The following CACNA2D1 variants were observed in gnomAD, a reference collection of about 807,000 sequenced individuals.
The protein encoded by CACNA2D1 is voltage-dependent calcium channel subunit alpha-2/delta-1.
In CACNA2D1, 53 loss-of-function variants were observed where a neutral mutation model predicts 171.5. The ratio of observed to expected loss-of-function variants is 0.31; its 90% CI spans 0.25 to 0.39. CACNA2D1 has a LOEUF of 0.39. Ranked by LOEUF, CACNA2D1 falls within the 10% of genes least tolerant of loss-of-function variation. The pLI is 1.00. For missense variants in CACNA2D1, 903 were observed against 1,299.8 expected (o/e 0.69, Z 4.69); for synonymous variants, 442 against 443.1 (o/e 1.00, Z 0.03).
At chr7:82,387,824 T>C (rs1195383038) in intron 1 of CACNA2D1, among the ~76,000 whole-genome samples, 1 of 152,188 alleles carries the variant, frequency 6.6e-6, no homozygotes, top group Non-Finnish European at 1.5e-5. Flanking sequence ...CTCATGCTTG[T>C]AATCCCAGCA....
intron 1 of CACNA2D1, among the ~76,000 whole-genome samples, chr7:82,357,280 T>C (rs1037758999): frequency 6.6e-6 from 1 of 152,118 alleles, no homozygotes; most frequent in East Asian, 1.9e-4. Context: ...AATATGGTAA[T>C]CCATTTCATT....
chr7:82,126,387 G>T (rs1790339977), intron 5 of CACNA2D1, among the ~76,000 whole-genome samples: 2 of 152,140 alleles, frequency 1.3e-5, no homozygotes, highest in Admixed American at 1.3e-4. Context: ...AGCAACAGAT[G>T]ACATGATTCA....
At chr7:82,386,767 T>G (rs1021614359) in intron 1 of CACNA2D1, among the ~76,000 whole-genome samples, 22 of 144,846 alleles carry the variant, frequency 1.5e-4, no homozygotes, top group African/African-American at 5.2e-4. Flanking sequence ...AATAAATAAA[T>G]AAATAAATAA....
At chr7:82,141,662 G>C (rs1475473288) in intron 4 of CACNA2D1, among the ~76,000 whole-genome samples, 1 of 152,202 alleles carries the variant, frequency 6.6e-6, no homozygotes, top group African/African-American at 2.4e-5. Flanking sequence ...TCTGTGGCAA[G>C]GATCTGACCT....
chr7:82,187,793 G>C (rs1361616932), intron 3 of CACNA2D1, among the ~76,000 whole-genome samples: 1 of 152,092 alleles, frequency 6.6e-6, no homozygotes, highest in Admixed American at 6.6e-5. Flanking sequence ...CATAGACTGG[G>C]TAACTTAAAC....
At chr7:82,175,261 C>T (rs1303142097) in intron 3 of CACNA2D1, among the ~76,000 whole-genome samples, 2 of 151,966 alleles carry the variant, frequency 1.3e-5, no homozygotes, top group East Asian at 3.9e-4. Flanking sequence ...AAAGATTTGA[C>T]TTACAGACAC....
intron 1 of CACNA2D1, among the ~76,000 whole-genome samples, chr7:82,387,114 A>G (rs929029243): frequency 5.9e-5 from 9 of 152,250 alleles, no homozygotes; most frequent in African/African-American, 2.2e-4. Flanking sequence ...GTCATTTCAA[A>G]TGGTCATATG....
At chr7:82,129,066 A>G (rs10486942) in intron 5 of CACNA2D1, among the ~76,000 whole-genome samples, 26,163 of 152,030 alleles carry the variant, frequency 0.17, 2,582 homozygotes, top group East Asian at 0.34. Context: ...TATATATGTA[A>G]CTTCACACTT....
At chr7:82,337,490 A>C (rs894916491) in intron 2 of CACNA2D1, among the ~76,000 whole-genome samples, 1 of 152,148 alleles carries the variant, frequency 6.6e-6, no homozygotes, top group Non-Finnish European at 1.5e-5. Context: ...GTATATTTCT[A>C]ACTCTTTCCA....
rs57473351 is a variant in CACNA2D1, at chr7:82,297,072, C to CAAAAAAAAAAA, written c.294+38052_294+38062dup. 6.1e-3 allele frequency among the ~76,000 whole-genome samples: 440 copies of CAAAAAAAAAAA among 72,186 alleles called. 24 individuals are homozygous for CAAAAAAAAAAA. Among genetic ancestry groups the CAAAAAAAAAAA allele is most frequent in the African/African-American group, 0.013 (187 of 14,104 alleles). The allele number at this position is 72,186 out of a possible 152,430, so 47.4% of individuals were successfully genotyped here. A position where few individuals can be genotyped will look rare whatever the true frequency, so the allele number is the denominator to read the frequency against. On this transcript the variant is annotated intron_variant, in intron 3 of 38. Transcript: ENST00000356860. ...AAACATAGTGAGGCTCTGTGTCTAC[C>CAAAAAAAAAAA]AAAAAAAAAAAAAAAAAAAAAAAAA...
intron 9 of CACNA2D1, 141 bp from the exon 10 acceptor site, chr7:82,060,668 A>T: frequency 3.9e-6 from 2 of 509,684 alleles, no homozygotes; most frequent in Non-Finnish European, 6.7e-6. Context: ...AAATCAGTTT[A>T]AAAAGTTACA....
chr7:82,387,910 C>T (rs1824597409), intron 1 of CACNA2D1, among the ~76,000 whole-genome samples: 1 of 151,762 alleles, frequency 6.6e-6, no homozygotes, highest in Non-Finnish European at 1.5e-5. Flanking sequence ...GGTGAAACCC[C>T]ATCTCTACAA....
intron 10 of CACNA2D1, among the ~76,000 whole-genome samples, chr7:82,041,125 C>A (rs991606267): frequency 2.0e-5 from 3 of 151,998 alleles, no homozygotes; most frequent in African/African-American, 7.2e-5. Context: ...AGTGCCTTGG[C>A]TGGATGCAGA....
intron 3 of CACNA2D1, among the ~76,000 whole-genome samples, chr7:82,288,255 A>G (rs1811084061): frequency 6.6e-6 from 1 of 152,072 alleles, no homozygotes; most frequent in Admixed American, 6.6e-5. Context: ...TTCTTAAAAG[A>G]TGTTATTATT....
At chr7:82,037,656 C>A (rs1327791372) in intron 11 of CACNA2D1, among the ~76,000 whole-genome samples, 1 of 152,020 alleles carries the variant, frequency 6.6e-6, no homozygotes, top group African/African-American at 2.4e-5. Context: ...ATTTTAGGAA[C>A]AATTTAAAGA....
intron 10 of CACNA2D1, among the ~76,000 whole-genome samples, chr7:82,056,692 G>A (rs10250071): frequency 0.1 from 15,745 of 152,066 alleles, 946 homozygotes; most frequent in Middle Eastern, 0.19. Flanking sequence ...CCAGCAACTC[G>A]ATGTAAAAAA....
chr7:82,236,041 T>C (rs184851441), intron 3 of CACNA2D1, among the ~76,000 whole-genome samples: 1 of 152,066 alleles, frequency 6.6e-6, no homozygotes, highest in Non-Finnish European at 1.5e-5. Flanking sequence ...CATATTCTTA[T>C]GTGAAAAGCC....
At chr7:82,314,202 T>G (rs527544119) in intron 3 of CACNA2D1, among the ~76,000 whole-genome samples, 1 of 152,324 alleles carries the variant, frequency 6.6e-6, no homozygotes, top group South Asian at 2.1e-4. Context: ...GATTTAATTT[T>G]TTTCTGTATT....
chr7:82,052,908 T>G (rs757488920), intron 10 of CACNA2D1, among the ~76,000 whole-genome samples: 3 of 152,176 alleles, frequency 2.0e-5, no homozygotes, highest in Non-Finnish European at 2.9e-5. Context: ...CTCACAGGGT[T>G]GCTGTAAAGA....
Sources: gnomAD v4.1 joint callset for allele counts (sites outside exome capture counted in the v4.1 genomes callset) on GRCh38, gnomAD v4.1.1 for gene constraint, MANE v1.5 for transcripts, NCBI Gene and HGNC (gene_info 2026-07-23, HGNC 2026-07-21) for gene names.